The following FAM135B variants were observed in gnomAD, a reference collection of about 807,000 sequenced individuals.
The protein encoded by FAM135B is protein FAM135B.
In FAM135B, 43 loss-of-function variants were observed where a neutral mutation model predicts 127.7. The observed-to-expected ratio is 0.34, with a 90% CI of 0.26 to 0.43. The LOEUF is 0.43. Ranked by LOEUF, FAM135B falls within the 20% of genes least tolerant of loss-of-function variation. The pLI, the probability that FAM135B is intolerant of heterozygous loss-of-function variation, is 1.00. For synonymous variants in FAM135B, 670 were observed against 665.1 expected, an observed-to-expected ratio of 1.01 and a Z score of -0.11; for missense variants, 1,558 against 1,725.6, an observed-to-expected ratio of 0.90 and a Z score of 1.72.
chr8:138,417,735 T>C (rs1228562341), intron 1 of FAM135B, among the ~76,000 whole-genome samples: 1 of 152,080 alleles, frequency 6.6e-6, no homozygotes, highest in Non-Finnish European at 1.5e-5. Context: ...CTGAAATCAA[T>C]GAGAAATTAA....
At chr8:138,228,801 T>C (rs758877007) in intron 7 of FAM135B, among the ~76,000 whole-genome samples, 2 of 136,518 alleles carry the variant, frequency 1.5e-5, no homozygotes, top group Admixed American at 1.5e-4. Flanking sequence ...TGCAATGCAG[T>C]GCAAGGCCCT....
rs144801733 is a variant in FAM135B, at chr8:138,319,746, C to T, written c.78-8826G>A. Among the ~76,000 whole-genome samples the T allele has an allele frequency of 2.5e-3, 375 of 152,274 alleles. 2 individuals are homozygous for T. Among genetic ancestry groups the T allele is most frequent in the Non-Finnish European group, 4.2e-3 (287 of 68,018 alleles). The stretch of plus-strand genomic sequence containing the variant: ...ATAATACCCCCCAACCCCTGACATA[C>T]ACCTCCTAATGTTCAGAACCTGTAA... On this transcript the variant is annotated intron_variant, in intron 2 of 19. Transcript: ENST00000395297.
intron 18 of FAM135B, among the ~76,000 whole-genome samples, chr8:138,138,674 A>G (rs761649762): frequency 6.6e-6 from 1 of 152,228 alleles, no homozygotes; most frequent in Non-Finnish European, 1.5e-5. Context: ...TGAAGCTGGC[A>G]CACAGATCTT....
intron 12 of FAM135B, among the ~76,000 whole-genome samples, chr8:138,159,223 G>T (rs1325134426): frequency 7.6e-6 from 1 of 132,220 alleles, no homozygotes; most frequent in Non-Finnish European, 1.6e-5. Flanking sequence ...AGTGAGCCGA[G>T]ATTGCGCCAC....
chr8:138,433,171 G>A (rs575310161), intron 1 of FAM135B, among the ~76,000 whole-genome samples: 3 of 152,180 alleles, frequency 2.0e-5, no homozygotes, highest in African/African-American at 7.2e-5. Flanking sequence ...CTGATTACTT[G>A]TTATATTTCA....
At chr8:138,339,368 TATATATA>T (rs1828871055) in intron 2 of FAM135B, among the ~76,000 whole-genome samples, 1 of 148,346 alleles carries the variant, frequency 6.7e-6, no homozygotes, top group Admixed American at 6.7e-5. Context: ...AATATATATA[TATATATA>T]TATATATATT....
chr8:138,197,729 G>T (rs2131142703), intron 7 of FAM135B, 60 bp from the exon 8 acceptor site: 2 of 1,563,130 alleles, frequency 1.3e-6, no homozygotes, highest in South Asian at 2.3e-5. Flanking sequence ...GGCAGCACAG[G>T]GCTGTGATGC....
At chr8:138,235,107 C>T (rs1820169558) in intron 7 of FAM135B, among the ~76,000 whole-genome samples, 1 of 152,160 alleles carries the variant, frequency 6.6e-6, no homozygotes, top group South Asian at 2.1e-4. Context: ...TAGACCCTAG[C>T]CACTGTGCCT....
chr8:138,309,536 G>T (rs1383846915), intron 3 of FAM135B, among the ~76,000 whole-genome samples: 1 of 152,170 alleles, frequency 6.6e-6, no homozygotes, highest in African/African-American at 2.4e-5. Context: ...TGAAACCACA[G>T]GCCTCTTCTC....
intron 1 of FAM135B, among the ~76,000 whole-genome samples, chr8:138,421,099 C>T (rs1834478477): frequency 6.6e-6 from 1 of 152,172 alleles, no homozygotes; most frequent in African/African-American, 2.4e-5. Flanking sequence ...ATCATGAGGT[C>T]AGGAGATTGA....
intron 1 of FAM135B, among the ~76,000 whole-genome samples, chr8:138,470,459 C>A (rs1231239561): frequency 1.3e-5 from 2 of 152,062 alleles, no homozygotes; most frequent in Non-Finnish European, 2.9e-5. Context: ...GATGGTCTTG[C>A]GGATGATATT....
rs758645981 is a variant in FAM135B, at chr8:138,151,495, G to A, written c.2980C>T (p.His994Tyr). The A allele has an allele frequency of 1.2e-6, 2 of 1,614,230 alleles. No individual in the cohort carries two copies. Among genetic ancestry groups the A allele is most frequent in the Non-Finnish European group, 8.5e-7 (1 of 1,180,038 alleles). ...TVCPTVTHSVHSQVLKNQELK... is the reference protein window; with the variant it reads ...TVCPTVTHSVYSQVLKNQELK... The stretch of plus-strand genomic sequence containing the variant: ...TCTTGGTTTTTCAAAACCTGGGAAT[G>A]AACGGAATGGGTCACAGTGGGGCAC... Residue 994 changes from histidine (H) to tyrosine (Y), a missense_variant, in exon 13 of 20, where the codon CAT (histidine) becomes TAT (tyrosine). Physicochemically the swap from His to Tyr is moderately conservative, Grantham distance 83 (BLOSUM62 2). Around this residue, in one of 5 missense-constraint regions of FAM135B, gnomAD observed 923 missense variants for 865.3 expected, o/e 1.07. Coordinates refer to ENST00000395297, the MANE Select transcript of FAM135B (RefSeq NM_015912.4).
intron 1 of FAM135B, among the ~76,000 whole-genome samples, chr8:138,417,123 G>C (rs757787378): frequency 6.6e-6 from 1 of 152,184 alleles, no homozygotes; most frequent in Non-Finnish European, 1.5e-5. Context: ...CATCCTCCTA[G>C]GCTCACAATA....
intron 3 of FAM135B, among the ~76,000 whole-genome samples, chr8:138,280,896 A>T (rs7830773): frequency 2.2e-4 from 34 of 151,972 alleles, no homozygotes; most frequent in Non-Finnish European, 4.9e-4. Context: ...GGGGGCTCAG[A>T]GGTGCAGACA....
At chr8:138,462,834 G>A (rs2131622220) in intron 1 of FAM135B, among the ~76,000 whole-genome samples, 1 of 152,300 alleles carries the variant, frequency 6.6e-6, no homozygotes, top group South Asian at 2.1e-4. Context: ...CTGAAGCTGG[G>A]TCCAGATTTG....
intron 4 of FAM135B, among the ~76,000 whole-genome samples, chr8:138,261,403 T>A (rs898387614): frequency 6.5e-4 from 99 of 152,338 alleles, no homozygotes; most frequent in African/African-American, 2.1e-3. Context: ...TAATTGTATC[T>A]TCTTCTTTGC....
At chr8:138,294,678 T>C (rs986505188) in intron 3 of FAM135B, among the ~76,000 whole-genome samples, 2 of 152,204 alleles carry the variant, frequency 1.3e-5, no homozygotes, top group Non-Finnish European at 2.9e-5. Flanking sequence ...ATTAAAAAGA[T>C]ATTAATTGAA....
At chr8:138,420,262 A>T (rs1055947033) in intron 1 of FAM135B, among the ~76,000 whole-genome samples, 1 of 152,018 alleles carries the variant, frequency 6.6e-6, no homozygotes, top group African/African-American at 2.4e-5. Context: ...GAAATTGATA[A>T]AATTCCTGGA....
intron 1 of FAM135B, among the ~76,000 whole-genome samples, chr8:138,432,296 C>T (rs922054540): frequency 6.6e-6 from 1 of 152,110 alleles, no homozygotes; most frequent in African/African-American, 2.4e-5. Flanking sequence ...TAAGAATGAA[C>T]AGGCCTTAGG....
Sources: allele counts gnomAD v4.1 joint callset (sites outside exome capture counted in the v4.1 genomes callset), GRCh38; gene constraint gnomAD v4.1.1; regional missense constraint gnomAD v4.1.1; transcripts MANE v1.5; gene names NCBI Gene and HGNC (gene_info 2026-07-23, HGNC 2026-07-21).